Variants in PIP4K2A observed in about 807,000 individuals in gnomAD.
The protein encoded by PIP4K2A is phosphatidylinositol-5-phosphate 4-kinase type 2 alpha.
A neutral mutation model predicts 42.9 loss-of-function variants in PIP4K2A; 14 were observed. The observed-to-expected ratio is 0.33, with a 90% CI of 0.22 to 0.51. PIP4K2A has a LOEUF of 0.51. PIP4K2A is among the 20% of genes least tolerant of loss of function. PIP4K2A has a pLI of 0.97. For synonymous variants in PIP4K2A, 192 were observed against 192.2 expected (o/e 1.00, Z 0.01); for missense variants, 434 against 519.8 (o/e 0.83, Z 1.61).
intron 1 of PIP4K2A, among the ~76,000 whole-genome samples, chr10:22,643,271 T>C (rs1838816041): frequency 6.6e-6 from 1 of 152,202 alleles, no homozygotes; most frequent in Non-Finnish European, 1.5e-5. Context: ...CTGGCTGCTT[T>C]TGTCAATAAC....
chr10:22,642,420 C>G (rs1461842014), intron 1 of PIP4K2A, among the ~76,000 whole-genome samples: 1 of 152,066 alleles, frequency 6.6e-6, no homozygotes, highest in East Asian at 1.9e-4. Context: ...AACCTTGTCA[C>G]TCAGAATGTC....
chr10:22,542,956 G>T (rs1171606794), intron 7 of PIP4K2A, among the ~76,000 whole-genome samples: 1 of 152,120 alleles, frequency 6.6e-6, no homozygotes, highest in African/African-American at 2.4e-5. Context: ...GAAGGTTCAC[G>T]GTCCTGGCTC....
chr10:22,694,825 T>G (rs1839938409), intron 1 of PIP4K2A, among the ~76,000 whole-genome samples: 1 of 151,200 alleles, frequency 6.6e-6, no homozygotes, highest in Non-Finnish European at 1.5e-5. Context: ...ATGTAAAAAG[T>G]TTTTTATTTT....
At chr10:22,706,081 T>G (rs1306767560) in intron 1 of PIP4K2A, among the ~76,000 whole-genome samples, 2 of 151,996 alleles carry the variant, frequency 1.3e-5, no homozygotes, top group Non-Finnish European at 2.9e-5. Flanking sequence ...GAGAATACGA[T>G]GGGGAAAACT....
chr10:22,672,362 C>T (rs1338396282), intron 1 of PIP4K2A, among the ~76,000 whole-genome samples: 2 of 152,202 alleles, frequency 1.3e-5, no homozygotes, highest in Non-Finnish European at 2.9e-5. Flanking sequence ...GAACTATTCA[C>T]ACCTTCATAA....
At chr10:22,711,350 C>G (rs949860899) in intron 1 of PIP4K2A, among the ~76,000 whole-genome samples, 7 of 152,232 alleles carry the variant, frequency 4.6e-5, no homozygotes, top group East Asian at 3.8e-4. Context: ...ACCCTTAGTT[C>G]ACAGTCTCTT....
At chr10:22,674,952 G>A (rs1195452916) in intron 1 of PIP4K2A, among the ~76,000 whole-genome samples, 1 of 151,106 alleles carries the variant, frequency 6.6e-6, no homozygotes, top group Non-Finnish European at 1.5e-5. Context: ...AACAAAACAA[G>A]ACCGTAGGAT....
At chr10:22,576,066 CAT>C (rs1459971911) in intron 4 of PIP4K2A, among the ~76,000 whole-genome samples, 4 of 152,122 alleles carry the variant, frequency 2.6e-5, no homozygotes, top group African/African-American at 4.8e-5. Context: ...AGGATATAAA[CAT>C]GTACAAACCC....
At chr10:22,542,155 C>A in intron 7 of PIP4K2A, 108 bp from the exon 8 acceptor site, 2 of 945,380 alleles carry the variant, frequency 2.1e-6, no homozygotes, top group South Asian at 3.2e-5. Flanking sequence ...TGGGGTGGGG[C>A]AGCAGAGGCG....
At chr10:22,618,040 T>A (rs1381876790) in intron 1 of PIP4K2A, among the ~76,000 whole-genome samples, 3 of 152,214 alleles carry the variant, frequency 2.0e-5, no homozygotes, top group Non-Finnish European at 4.4e-5. Context: ...CTACTGTAAT[T>A]AATTTCATAG....
chr10:22,558,828 G>A (rs767278910), intron 6 of PIP4K2A, among the ~76,000 whole-genome samples: 8 of 152,162 alleles, frequency 5.3e-5, no homozygotes, highest in Non-Finnish European at 1.0e-4. Flanking sequence ...TAAGTAAGCC[G>A]CGCAAAACTG....
At chr10:22,591,814 G>C (rs773450664) in intron 3 of PIP4K2A, 33 bp from the exon 4 acceptor site, 1 of 1,569,662 alleles carries the variant, frequency 6.4e-7, no homozygotes, top group Non-Finnish European at 8.7e-7. Context: ...GAAGGAAGGC[G>C]GGGGAAGATA....
At chr10:22,559,291 T>A (rs1253019131) in intron 6 of PIP4K2A, among the ~76,000 whole-genome samples, 1 of 152,198 alleles carries the variant, frequency 6.6e-6, no homozygotes, top group Non-Finnish European at 1.5e-5. Flanking sequence ...ACCCCAACTT[T>A]TTCTAGAACC....
At chr10:22,699,978 T>C (rs1329645863) in intron 1 of PIP4K2A, among the ~76,000 whole-genome samples, 1 of 152,198 alleles carries the variant, frequency 6.6e-6, no homozygotes, top group Non-Finnish European at 1.5e-5. Flanking sequence ...GATCATTTGA[T>C]GGAAGGAATA....
chr10:22,674,029 T>C (rs1417627694), intron 1 of PIP4K2A, among the ~76,000 whole-genome samples: 1 of 152,166 alleles, frequency 6.6e-6, no homozygotes, highest in African/African-American at 2.4e-5. Flanking sequence ...TTCAGCAATG[T>C]GTGTGTGTTT....
At chr10:22,641,741 T>C (rs1479662647) in intron 1 of PIP4K2A, among the ~76,000 whole-genome samples, 3 of 152,128 alleles carry the variant, frequency 2.0e-5, no homozygotes, top group African/African-American at 4.8e-5. Context: ...TGAGCTGCCA[T>C]GAGCCCCCCA....
intron 6 of PIP4K2A, among the ~76,000 whole-genome samples, chr10:22,560,772 C>G (rs1318125188): frequency 6.6e-6 from 1 of 152,198 alleles, no homozygotes; most frequent in Non-Finnish European, 1.5e-5. Context: ...CTAATAAAAT[C>G]AGACATGAGT....
chr10:22,687,265 G>A (rs966832550), intron 1 of PIP4K2A, among the ~76,000 whole-genome samples: 1 of 151,972 alleles, frequency 6.6e-6, no homozygotes, highest in South Asian at 2.1e-4. Flanking sequence ...AGTGAAATAC[G>A]CCAGGCACAG....
intron 1 of PIP4K2A, among the ~76,000 whole-genome samples, chr10:22,653,320 C>A (rs1377813297): frequency 3.9e-5 from 6 of 152,090 alleles, no homozygotes; most frequent in Non-Finnish European, 7.4e-5. Context: ...CAAGCCAGGC[C>A]ACTTCCTTCC....
Sources: gnomAD v4.1 joint callset for allele counts (sites outside exome capture counted in the v4.1 genomes callset) on GRCh38, gnomAD v4.1.1 for gene constraint, MANE v1.5 for transcripts, NCBI Gene and HGNC (gene_info 2026-07-23, HGNC 2026-07-21) for gene names.